AMPD1: variants seen among roughly 807,000 people sequenced by gnomAD.
AMPD1 encodes AMP deaminase 1.
AMPD1 carries 74 observed loss-of-function variants against 82.9 expected under a neutral mutation model. That is an observed-to-expected ratio of 0.89 (90% CI 0.74 to 1.08). The LOEUF (loss-of-function observed/expected upper bound fraction) is 1.08. AMPD1 is among the 50% of genes least tolerant of loss of function. The pLI is 0.00. For synonymous variants in AMPD1, 333 were observed against 320.5 expected (o/e 1.04, Z -0.42); for missense variants, 881 against 924.5 (o/e 0.95, Z 0.61).
chr1:114,676,224 C>T (rs1253308452), intron 10 of AMPD1: 6 of 519,978 alleles, frequency 1.2e-5, no homozygotes, highest in South Asian at 2.1e-5. Context: ...CCCTATGTCC[C>T]CATCTTTTTT....
intron 2 of AMPD1, among the ~76,000 whole-genome samples, chr1:114,691,411 T>C (rs956111010): frequency 6.6e-6 from 1 of 151,558 alleles, no homozygotes; most frequent in East Asian, 2.0e-4. Flanking sequence ...TTTTTTTTTT[T>C]TCAAAAATTA....
intron 5 of AMPD1, among the ~76,000 whole-genome samples, chr1:114,681,038 T>C (rs1194601989): frequency 2.0e-5 from 3 of 152,224 alleles, no homozygotes; most frequent in Non-Finnish European, 4.4e-5. Context: ...GGAAGAACTA[T>C]TTACATAAAG....
Position 114,673,123 on chromosome 1 carries a change from T to C in AMPD1, c.2235A>G (p.Ser745=). The change falls in exon 16 of 16, where the codon TCA becomes TCG. Residue 745 remains serine, a synonymous_variant. Transcript: ENST00000520113. The stretch of plus-strand genomic sequence containing the variant: ...TTTGGTTTACTTTTTTTTATTCTGT[T>C]GATTTAAGACCCTCAGCAATTAAAT... ...ELNLIAEGLK[S]TE 6.2e-7 allele frequency: 1 copy of C among 1,613,858 alleles called. No homozygotes were observed. The highest frequency in any genetic ancestry group is 1.6e-4 in the Middle Eastern group (1 of 6,062).
chr1:114,693,671 T>C (rs1254259807), intron 1 of AMPD1, among the ~76,000 whole-genome samples: 1 of 152,196 alleles, frequency 6.6e-6, no homozygotes, highest in Non-Finnish European at 1.5e-5. Context: ...CATTTATAAG[T>C]ATACTTTTTA....
At chr1:114,675,239 C>A (rs1444336985) in intron 12 of AMPD1, among the ~76,000 whole-genome samples, 1 of 151,688 alleles carries the variant, frequency 6.6e-6, no homozygotes, top group Non-Finnish European at 1.5e-5. Flanking sequence ...CCAAATATAT[C>A]AAGAAGGGCA....
chr1:114,677,759 T>TGGCGG, intron 9 of AMPD1, 151 bp downstream of exon 9: 1 of 677,216 alleles, frequency 1.5e-6, no homozygotes. Context: ...CAGGGATCGC[T>TGGCGG]CCCTCCCTCC....
At chr1:114,692,634 C>G (rs1008093208) in intron 2 of AMPD1, among the ~76,000 whole-genome samples, 1 of 151,596 alleles carries the variant, frequency 6.6e-6, no homozygotes, top group African/African-American at 2.4e-5. Context: ...AGTGAGCTAT[C>G]GCACCACTGC....
rs1448464549 is a variant in AMPD1, at chr1:114,675,676, A to C, written c.1533T>G (p.Ser511Arg). The C allele has an allele frequency of 6.2e-7, 1 of 1,614,080 alleles. No homozygotes were observed. The stretch of plus-strand genomic sequence containing the variant: ...CACTGTGTTTGGACTCATCATCCAC[A>C]CTGTCAAAGCCAGTGATCTGTTAGG... ...VFLKHITGFD[S>R]VDDESKHSGH... is the part of the protein sequence containing the mutation. The change falls in exon 12 of 16, where the codon AGT becomes AGG. Residue 511 changes from serine to arginine, a missense_variant. Physicochemically the swap from Ser to Arg is moderately radical, Grantham distance 110. This residue lies in a region of AMPD1 where 783 missense variants were observed against 786.4 expected (regional missense o/e 1.00). Coordinates refer to ENST00000520113, the MANE Select transcript of AMPD1 (RefSeq NM_000036.3).
intron 6 of AMPD1, among the ~76,000 whole-genome samples, chr1:114,679,982 C>G (rs1054164151): frequency 6.6e-6 from 1 of 152,160 alleles, no homozygotes; most frequent in Non-Finnish European, 1.5e-5. Flanking sequence ...TCAGCAGATT[C>G]GAGTGTGAAT....
At chr1:114,679,453 T>C in intron 7 of AMPD1, 126 bp downstream of exon 7, 3 of 1,347,142 alleles carry the variant, frequency 2.2e-6, no homozygotes, top group Non-Finnish European at 3.2e-6. Flanking sequence ...TATCTGTTTT[T>C]ACTAAAATCC....
intron 7 of AMPD1, 149 bp downstream of exon 7, chr1:114,679,430 G>A (rs1658088521): frequency 3.4e-6 from 4 of 1,168,884 alleles, no homozygotes; most frequent in Admixed American, 1.9e-5. Context: ...CTAACCCATT[G>A]GACATAATCT....
intron 5 of AMPD1, chr1:114,683,182 C>A: frequency 2.2e-6 from 1 of 450,956 alleles, no homozygotes; most frequent in Non-Finnish European, 4.4e-6. Context: ...AAAGTCAGAA[C>A]ATGTAGTTTA....
intron 15 of AMPD1, 99 bp downstream of exon 15, chr1:114,673,540 G>A (rs1458363791): frequency 1.3e-5 from 13 of 1,032,294 alleles, no homozygotes; most frequent in East Asian, 7.2e-5. Flanking sequence ...CATATGATTC[G>A]TGGAACAATT....
intron 2 of AMPD1, among the ~76,000 whole-genome samples, chr1:114,691,951 A>G (rs2101726926): frequency 6.6e-6 from 1 of 152,238 alleles, no homozygotes; most frequent in South Asian, 2.1e-4. Context: ...ATTAAAATTA[A>G]AAAAAGAAAA....
chr1:114,691,399 A>ATTT (rs11451311), intron 2 of AMPD1, among the ~76,000 whole-genome samples: 1 of 146,066 alleles, frequency 6.8e-6, no homozygotes, highest in African/African-American at 2.5e-5. Flanking sequence ...CCTCCACAAA[A>ATTT]TTTTTTTTTT....
In AMPD1 at chr1:114,695,441, T is replaced by C; in HGVS notation, c.22+9A>G. The C allele has an allele frequency of 6.2e-7, 1 of 1,612,808 alleles. No homozygotes were observed. The highest frequency in any genetic ancestry group is 8.5e-7 in the Non-Finnish European group (1 of 1,179,860). ...ACAACTGAGCTCTCCAAACACTTTG[T>C]ACACCTACCTGGGAGTTTGAACAGA... On this transcript the variant is annotated intron_variant, in intron 1 of 15. Coordinates refer to ENST00000520113, the MANE Select transcript of AMPD1 (RefSeq NM_000036.3).
chr1:114,693,593 CA>C (rs1213385703), intron 1 of AMPD1, 146 bp from the exon 2 acceptor site: 3 of 717,278 alleles, frequency 4.2e-6, no homozygotes, highest in Non-Finnish European at 5.0e-6. Context: ...TTTCTGCCAT[CA>C]GAAAGCTTGG....
At chr1:114,674,505 T>C (rs1019819030) in intron 13 of AMPD1, among the ~76,000 whole-genome samples, 2 of 152,210 alleles carry the variant, frequency 1.3e-5, no homozygotes, top group Non-Finnish European at 2.9e-5. Context: ...TTATCCCTTG[T>C]CAGGATTCTA....
chr1:114,674,098 A>G lies in AMPD1; in HGVS notation c.1801-16T>C, dbSNP rs1323314203. On this transcript the variant is annotated splice_polypyrimidine_tract_variant and intron_variant, in intron 13 of 15. Coordinates refer to ENST00000520113, the MANE Select transcript of AMPD1 (RefSeq NM_000036.3). ...GCACGGGACTCTGAAAAAGAAAAGT[A>G]AAAAAATATTTAAAGATGTTGAAAA... 6.2e-7 allele frequency: 1 copy of G among 1,608,678 alleles called. No homozygotes were observed. The highest frequency in any genetic ancestry group is 1.3e-5 in the African/African-American group (1 of 74,766).
Sources: gnomAD v4.1 joint callset for allele counts (sites outside exome capture counted in the v4.1 genomes callset) on GRCh38, gnomAD v4.1.1 for gene constraint, gnomAD v4.1.1 regional missense constraint, MANE v1.5 for transcripts, NCBI Gene and HGNC (gene_info 2026-07-23, HGNC 2026-07-21) for gene names.